Variants in PRKCZ observed in about 807,000 individuals in gnomAD.
PRKCZ encodes protein kinase C zeta.
A neutral mutation model predicts 79.5 loss-of-function variants in PRKCZ; 33 were observed. That is an observed-to-expected ratio of 0.41 (90% CI 0.31 to 0.55). The LOEUF is 0.55. Among genes scored for constraint, PRKCZ ranks in the 20% least tolerant of loss-of-function variants. The pLI is 0.19. For missense variants in PRKCZ, 578 were observed against 813.5 expected, an observed-to-expected ratio of 0.71 and a Z score of 3.52; for synonymous variants, 342 against 320.9, an observed-to-expected ratio of 1.07 and a Z score of -0.70.
intron 9 of PRKCZ, among the ~76,000 whole-genome samples, chr1:2,151,946 G>T (rs1008319523): frequency 1.3e-5 from 2 of 152,064 alleles, no homozygotes; most frequent in Non-Finnish European, 2.9e-5. Context: ...CTCCTGCTAG[G>T]CTGAGGTGAT....
intron 10 of PRKCZ, 178 bp from the exon 11 acceptor site, chr1:2,169,340 C>A: frequency 1.5e-6 from 1 of 668,192 alleles, no homozygotes; most frequent in Non-Finnish European, 2.8e-6. Context: ...AGCGGCCCCG[C>A]AGCCCGTCCC....
intron 9 of PRKCZ, among the ~76,000 whole-genome samples, chr1:2,154,096 A>G (rs1680449411): frequency 6.6e-6 from 1 of 152,124 alleles, no homozygotes; most frequent in African/African-American, 2.4e-5. Flanking sequence ...GCGGGGCCAC[A>G]GTGGGTGGGT....
chr1:2,152,491 T>G (rs1680091966), intron 9 of PRKCZ, among the ~76,000 whole-genome samples: 1 of 152,198 alleles, frequency 6.6e-6, no homozygotes, highest in African/African-American at 2.4e-5. Flanking sequence ...GAGATCACGC[T>G]ACTGCACTCC....
intron 16 of PRKCZ, among the ~76,000 whole-genome samples, chr1:2,179,974 G>A (rs1470406272): frequency 6.6e-6 from 1 of 152,208 alleles, no homozygotes. Context: ...TGGGCAGCGG[G>A]TGGGAGCAGG....
intron 4 of PRKCZ, among the ~76,000 whole-genome samples, chr1:2,060,050 G>C (rs1047831650): frequency 2.0e-5 from 3 of 152,202 alleles, no homozygotes; most frequent in South Asian, 2.1e-4. Flanking sequence ...GGCTTCAGAG[G>C]GAAGCTTCTG....
intron 16 of PRKCZ, 32 bp from the exon 17 acceptor site, chr1:2,184,551 G>A (rs764199003): frequency 1.9e-5 from 30 of 1,570,580 alleles, no homozygotes; most frequent in Non-Finnish European, 2.3e-5. Flanking sequence ...ATGCCCGCGC[G>A]GAGCTGACCC....
At chr1:2,080,571 C>T (rs1290940301) in intron 4 of PRKCZ, among the ~76,000 whole-genome samples, 2 of 152,170 alleles carry the variant, frequency 1.3e-5, no homozygotes, top group African/African-American at 4.8e-5. Flanking sequence ...GTTTTTGGAA[C>T]AGTTTTGGAT....
chr1:2,080,664 TCAC>T (rs1017624282), intron 4 of PRKCZ, among the ~76,000 whole-genome samples: 4 of 152,148 alleles, frequency 2.6e-5, no homozygotes, highest in African/African-American at 9.7e-5. Context: ...GAGTTACACT[TCAC>T]CAGCCAGTCT....
intron 5 of PRKCZ, chr1:2,141,083 G>A (rs1228740120): frequency 6.6e-6 from 1 of 152,208 alleles, no homozygotes; most frequent in African/African-American, 2.4e-5. Context: ...GAAACTTGGG[G>A]TTTAGGTTTT....
rs187557242 is a variant in PRKCZ, at chr1:2,161,435, C to T, written c.974+5343C>T. ...TCTTCGGGAACACTGCGGACAGCTG[C>T]GCATGCATCCTCCCAGAGCCCTGGG... On this transcript the variant is annotated intron_variant, in intron 10 of 17. Coordinates refer to ENST00000378567, the MANE Select transcript of PRKCZ (RefSeq NM_002744.6). Among the ~76,000 whole-genome samples, 311 of 152,288 alleles carry T rather than the reference C, an allele frequency of 2.0e-3. 1 individual carries two copies. Among genetic ancestry groups the T allele is most frequent in the South Asian group, 5.4e-3 (26 of 4,828 alleles).
chr1:2,103,834 T>A (rs1667905047), intron 4 of PRKCZ, among the ~76,000 whole-genome samples: 2 of 151,854 alleles, frequency 1.3e-5, no homozygotes, highest in South Asian at 4.2e-4. Context: ...GCTGCTGTGG[T>A]CTCTGGGGGC....
rs1663733893 is a variant in PRKCZ at position 2,082,489 on chromosome 1, A to T, written c.334+22898A>T. The T allele has an allele frequency of 4.5e-6, 2 of 447,348 alleles. No homozygotes were observed. The highest frequency in any genetic ancestry group is 3.2e-5 in the South Asian group (2 of 63,010). The allele number at this position is 447,348 out of a possible 1,614,324, so 27.7% of individuals were successfully genotyped here. ...AGTGTAAGATCACGTCCGCGTTCCT[A>T]GCGACCGGTTTTGTGATGTGGGCAG... On this transcript the variant is annotated intron_variant, in intron 4 of 17. Transcript: ENST00000378567. The surrounding 1 kb of genome is among the most constrained non-coding windows in gnomAD (Gnocchi z 4.4).
At chr1:2,120,204 AT>A (rs1360948703) in intron 4 of PRKCZ, among the ~76,000 whole-genome samples, 1 of 146,612 alleles carries the variant, frequency 6.8e-6, no homozygotes, top group Non-Finnish European at 1.5e-5. Flanking sequence ...GGAATCGAGA[AT>A]TTCTCCTAAT....
At chr1:2,155,963 G>A (rs765396456) in intron 9 of PRKCZ, 32 bp from the exon 10 acceptor site, 3 of 1,590,772 alleles carry the variant, frequency 1.9e-6, no homozygotes, top group South Asian at 2.2e-5. Flanking sequence ...GCATTCGGGA[G>A]CCTCATTACC....
chr1:2,084,502 C>T (rs941831503), intron 4 of PRKCZ, among the ~76,000 whole-genome samples: 2 of 152,210 alleles, frequency 1.3e-5, no homozygotes, highest in African/African-American at 2.4e-5. Flanking sequence ...AGAACACATG[C>T]GCGGCCGGCC....
Position 2,169,494 on chromosome 1 carries a change from C to A in PRKCZ, c.975-24C>A, listed in dbSNP as rs752259931. 25 of 1,546,466 alleles carry A rather than the reference C, an allele frequency of 1.6e-5. No homozygotes were observed. In the African/African-American group the frequency reaches 3.3e-4, roughly 20 times the overall value. ...CCGCCGTCTGCCGAGGTGACTGCAG[C>A]CTCCGGCGCCTCTCTCCCTGCAGGT... On this transcript the variant is annotated intron_variant, in intron 10 of 17. Coordinates refer to ENST00000378567, the MANE Select transcript of PRKCZ (RefSeq NM_002744.6).
chr1:2,120,588 G>T (rs148843230), intron 4 of PRKCZ, among the ~76,000 whole-genome samples: 1 of 151,828 alleles, frequency 6.6e-6, no homozygotes, highest in South Asian at 2.1e-4. Flanking sequence ...GAGCCACCGT[G>T]CCCGGCCAGC....
At chr1:2,151,017 C>G in intron 9 of PRKCZ, 39 bp downstream of exon 9, 2 of 1,607,368 alleles carry the variant, frequency 1.2e-6, no homozygotes, top group Non-Finnish European at 1.7e-6. Flanking sequence ...GGCCCGGGAA[C>G]GCGCTGCCCT....
Position 2,109,431 on chromosome 1 carries a change from G to A in PRKCZ, c.335-25831G>A, listed in dbSNP as rs191438201. ...TTCTCATCTGTAAAGTGGTGCACAC[G>A]ATACCTGCTCCGTCCTCCTCACTGA... is the stretch of plus-strand genomic sequence containing the variant. On this transcript the variant is annotated intron_variant, in intron 4 of 17. Transcript: ENST00000378567. Among the ~76,000 whole-genome samples, 408 of 152,332 alleles carry A rather than the reference G, an allele frequency of 2.7e-3. 1 individual carries two copies. Among genetic ancestry groups the A allele is most frequent in the African/African-American group, 9.2e-3 (383 of 41,572 alleles).
Sources: gnomAD v4.1 joint callset for allele counts (sites outside exome capture counted in the v4.1 genomes callset) on GRCh38, gnomAD v4.1.1 for gene constraint, Gnocchi (gnomAD v3.1) non-coding constraint, MANE v1.5 for transcripts, NCBI Gene and HGNC (gene_info 2026-07-23, HGNC 2026-07-21) for gene names.